The following FAM20C variants were observed in gnomAD, a reference collection of about 807,000 sequenced individuals.
The protein encoded by FAM20C is extracellular serine/threonine protein kinase FAM20C.
A neutral mutation model predicts 51.5 loss-of-function variants in FAM20C; 40 were observed. The observed-to-expected ratio is 0.78, with a 90% CI of 0.60 to 1.01. The LOEUF is 1.01. Among genes scored for constraint, FAM20C ranks in the 50% least tolerant of loss-of-function variants. The probability of loss-of-function intolerance (pLI) is 0.00; values close to 1 mark genes in which losing one functional copy is unlikely to be tolerated. For synonymous variants in FAM20C, 406 were observed against 380.6 expected, an observed-to-expected ratio of 1.07 and a Z score of -0.78; for missense variants, 861 against 844.7, an observed-to-expected ratio of 1.02 and a Z score of -0.24.
At chr7:253,033 C>T (rs1788458955) in intron 5 of FAM20C, among the ~76,000 whole-genome samples, 1 of 152,240 alleles carries the variant, frequency 6.6e-6, no homozygotes, top group African/African-American at 2.4e-5. Flanking sequence ...GACAGAAGGG[C>T]TTTGCCATCA....
intron 2 of FAM20C, among the ~76,000 whole-genome samples, chr7:198,367 TTATAATCTGGACCTGG>T (rs1452615671): frequency 2.7e-5 from 4 of 150,174 alleles, no homozygotes; most frequent in African/African-American, 4.9e-5. Flanking sequence ...ACAGAGAAGG[TTATAATCTGGACCTGG>T]TATAATCTGG....
At chr7:235,359 C>A (rs1231863200) in intron 3 of FAM20C, among the ~76,000 whole-genome samples, 1 of 152,136 alleles carries the variant, frequency 6.6e-6, no homozygotes, top group African/African-American at 2.4e-5. Flanking sequence ...ACCCTGCAGC[C>A]CAGTGGAGCC....
In FAM20C at chr7:223,984, C is replaced by T. The variant is rs1047125428; in HGVS notation, c.863+15008C>T. Among the ~76,000 whole-genome samples, 4 of 152,142 alleles carry T rather than the reference C, an allele frequency of 2.6e-5. No homozygotes were observed. The South Asian group carries it at 8.3e-4, about 32-fold the overall frequency. ...CCACCCCAGGACCGTCCTGTGTCTG[C>T]CCCGGGCTCCCGGCCCGCCAGCACC... On this transcript the variant is annotated intron_variant, in intron 3 of 9. Coordinates refer to ENST00000313766, the MANE Select transcript of FAM20C (RefSeq NM_020223.4).
chr7:209,968 C>G (rs796756411), intron 3 of FAM20C, among the ~76,000 whole-genome samples: 17 of 152,132 alleles, frequency 1.1e-4, no homozygotes, highest in African/African-American at 3.9e-4. Flanking sequence ...CTGCCCCGGT[C>G]TTCCCCCAAG....
At chr7:258,610 C>CAATT in intron 8 of FAM20C, 36 bp from the exon 9 acceptor site, 1 of 1,535,122 alleles carries the variant, frequency 6.5e-7, no homozygotes, top group Non-Finnish European at 8.7e-7. Context: ...GAACCTTGTA[C>CAATT]AGGGGCCCTT....
intron 3 of FAM20C, 154 bp from the exon 4 acceptor site, chr7:246,261 G>A: frequency 1.5e-6 from 1 of 657,252 alleles, no homozygotes; most frequent in Non-Finnish European, 2.7e-6. Flanking sequence ...GTCGGCAGCT[G>A]GGTGCCCAGG....
intron 3 of FAM20C, chr7:229,677 G>C (rs1316385761): frequency 6.6e-6 from 1 of 152,246 alleles, no homozygotes; most frequent in Non-Finnish European, 1.5e-5. Flanking sequence ...CGCGAACTCG[G>C]GGACCAAAAG....
intron 2 of FAM20C, among the ~76,000 whole-genome samples, chr7:207,302 G>A (rs78240388): frequency 2.4e-4 from 14 of 57,198 alleles, no homozygotes; most frequent in Admixed American, 9.6e-4. Flanking sequence ...CCGCACACGT[G>A]TCCACTGTGA....
At chr7:253,049 T>C (rs1246207603) in intron 5 of FAM20C, among the ~76,000 whole-genome samples, 1 of 152,200 alleles carries the variant, frequency 6.6e-6, no homozygotes, top group Non-Finnish European at 1.5e-5. Context: ...CATCATCCGC[T>C]TCGCCTTTTT....
intron 5 of FAM20C, among the ~76,000 whole-genome samples, chr7:249,601 G>C (rs572272535): frequency 2.0e-5 from 3 of 152,170 alleles, no homozygotes; most frequent in Non-Finnish European, 4.4e-5. Context: ...TTAGCCAGCC[G>C]TGGTGGCGCT....
chr7:202,877 G>C (rs889235943), intron 2 of FAM20C, among the ~76,000 whole-genome samples: 14 of 152,174 alleles, frequency 9.2e-5, no homozygotes, highest in Non-Finnish European at 1.3e-4. Flanking sequence ...CAGTGCAGAC[G>C]GGACCTGTTT....
intron 1 of FAM20C, 65 bp from the exon 2 acceptor site, chr7:195,489 C>A (rs1454325778): frequency 3.5e-5 from 48 of 1,355,298 alleles, no homozygotes; most frequent in Non-Finnish European, 4.4e-5. Context: ...GGTGCCCTCT[C>A]CCCGTCATCC....
chr7:252,298 G>A (rs977757201), intron 5 of FAM20C, among the ~76,000 whole-genome samples: 6 of 143,048 alleles, frequency 4.2e-5, no homozygotes, highest in African/African-American at 1.0e-4. Context: ...ACACCCCCTC[G>A]GCCTCCCGAC....
At chr7:231,467 G>C (rs1485965227) in intron 3 of FAM20C, among the ~76,000 whole-genome samples, 3 of 150,740 alleles carry the variant, frequency 2.0e-5, no homozygotes, top group Admixed American at 2.0e-4. Flanking sequence ...GTCCCGGCGT[G>C]GAGGACTCTG....
intron 3 of FAM20C, among the ~76,000 whole-genome samples, chr7:230,296 A>T (rs1787608820): frequency 7.1e-6 from 1 of 140,558 alleles, no homozygotes; most frequent in Non-Finnish European, 1.5e-5. Context: ...GGCAAGAAGG[A>T]TCCTCCCTAG....
At chr7:245,873 C>T (rs1171729663) in intron 3 of FAM20C, 3 of 152,806 alleles carry the variant, frequency 2.0e-5, no homozygotes, top group African/African-American at 7.2e-5. Context: ...CATTGCCCTT[C>T]TTGGGCTCTT....
chr7:259,997 C>T lies in FAM20C; in HGVS notation c.*17C>T, dbSNP rs970848055. ...GCGAGGTAGTGTCCGCCGGCCGCTGCGCTGCCCGGGACGGAGACAGAGGCG... is the reference window on the plus strand; with the variant it reads ...GCGAGGTAGTGTCCGCCGGCCGCTGTGCTGCCCGGGACGGAGACAGAGGCG... On this transcript the variant is annotated 3_prime_UTR_variant, in exon 10 of 10. Transcript: ENST00000313766. 187 of 1,498,068 alleles carry T rather than the reference C, an allele frequency of 1.2e-4. No homozygotes were observed. Among genetic ancestry groups the T allele is most frequent in the Middle Eastern group, 3.8e-4 (2 of 5,218 alleles). The allele number at this position is 1,498,068 out of a possible 1,614,324, so 92.8% of individuals were successfully genotyped here.
At chr7:195,759 C>T in intron 2 of FAM20C, 27 bp downstream of exon 2, 1 of 1,540,394 alleles carries the variant, frequency 6.5e-7, no homozygotes, top group Non-Finnish European at 8.8e-7. Context: ...GCACTCAGGG[C>T]CGTCTGTGTG....
chr7:226,003 C>T (rs1309672964), intron 3 of FAM20C, among the ~76,000 whole-genome samples: 2 of 151,902 alleles, frequency 1.3e-5, no homozygotes, highest in African/African-American at 4.8e-5. Context: ...GTCCCCTGAG[C>T]CTTCTCTCAT....
Sources: allele counts gnomAD v4.1 joint callset (sites outside exome capture counted in the v4.1 genomes callset), GRCh38; gene constraint gnomAD v4.1.1; transcripts MANE v1.5; gene names NCBI Gene and HGNC (gene_info 2026-07-23, HGNC 2026-07-21).